Variants in KLF17 observed in about 807,000 individuals in gnomAD.
KLF17 encodes the protein Krueppel-like factor 17.
A neutral mutation model predicts 34.2 loss-of-function variants in KLF17; 31 were observed. The ratio of observed to expected loss-of-function variants is 0.91; its 90% CI spans 0.68 to 1.22. The LOEUF is 1.22. Among genes scored for constraint, KLF17 ranks in the 50% most tolerant of loss-of-function variants. The pLI, the probability that KLF17 is intolerant of heterozygous loss-of-function variation, is 0.00. For missense variants in KLF17, 478 were observed against 505.2 expected, an observed-to-expected ratio of 0.95 and a Z score of 0.52; for synonymous variants, 179 against 186.7, an observed-to-expected ratio of 0.96 and a Z score of 0.34.
chr1:44,130,781 G>A (rs1571994411), intron 3 of KLF17, 25 bp downstream of exon 3: 1 of 1,608,464 alleles, frequency 6.2e-7, no homozygotes, highest in South Asian at 1.1e-5. Context: ...CTCATTCTGG[G>A]TTTTCTTTTT....
At chr1:44,103,253 G>A in the KLF17 span, 1,009 of 683,600 alleles carry the variant, frequency 1.5e-3, 4 homozygotes, top group African/African-American at 0.016. Context: ...CCTCCCTCCC[G>A]GACTCTGGGG....
At chr1:44,101,987 G>A in the KLF17 span, among the ~76,000 whole-genome samples, 22,894 of 151,990 alleles carry the variant, frequency 0.15, 2,153 homozygotes, top group Admixed American at 0.19. Context: ...CCATGAGGTC[G>A]GGGCTGCAGT....
chr1:44,059,628 G>A, the KLF17 span, among the ~76,000 whole-genome samples: 4 of 152,188 alleles, frequency 2.6e-5, no homozygotes, highest in South Asian at 8.3e-4. Flanking sequence ...CTCTCCTCCT[G>A]ATTCCCCTCC....
At chr1:44,080,386 C>A in the KLF17 span, among the ~76,000 whole-genome samples, 1 of 151,454 alleles carries the variant, frequency 6.6e-6, no homozygotes, top group African/African-American at 2.4e-5. Context: ...CTGCAGGCGC[C>A]CACCACCACC....
the KLF17 span, among the ~76,000 whole-genome samples, chr1:44,062,370 C>T: frequency 6.6e-6 from 1 of 152,002 alleles, no homozygotes; most frequent in African/African-American, 2.4e-5. Flanking sequence ...TCTACACAAA[C>T]CCTTCAAATT....
the KLF17 span, among the ~76,000 whole-genome samples, chr1:44,079,371 A>G: frequency 6.7e-6 from 1 of 149,270 alleles, no homozygotes; most frequent in South Asian, 2.1e-4. Context: ...CGCAAATCAC[A>G]GTTCAGCCTC....
At chr1:44,086,633 G>C in the KLF17 span, among the ~76,000 whole-genome samples, 13 of 152,328 alleles carry the variant, frequency 8.5e-5, no homozygotes, top group African/African-American at 2.9e-4. Flanking sequence ...TTTGCATCCT[G>C]ATGGTGATTA....
chr1:44,057,857 C>A, the KLF17 span, among the ~76,000 whole-genome samples: 1 of 152,208 alleles, frequency 6.6e-6, no homozygotes, highest in South Asian at 2.1e-4. Context: ...GCTGCCCATA[C>A]CCTCATCCCT....
At chr1:44,127,717 CTT>C (rs66514369) in intron 1 of KLF17, among the ~76,000 whole-genome samples, 1 of 74,716 alleles carries the variant, frequency 1.3e-5, no homozygotes, top group Non-Finnish European at 2.4e-5. Context: ...TCTTTCTTCT[CTT>C]TTCTTTCTTT....
chr1:44,070,724 A>G, the KLF17 span, among the ~76,000 whole-genome samples: 2 of 149,488 alleles, frequency 1.3e-5, no homozygotes, highest in Admixed American at 6.8e-5. Context: ...TGTCTTTATC[A>G]GAGCCAAACC....
At chr1:44,115,979 C>A (rs2087876275), upstream of KLF17, 1 of 151,892 alleles carries the variant, frequency 6.6e-6, no homozygotes, top group Non-Finnish European at 1.5e-5. Flanking sequence ...TGATTTGTTT[C>A]ATTTTATGAT....
chr1:44,118,866 C>T lies in KLF17; in HGVS notation c.-42C>T. The T allele has an allele frequency of 6.6e-7, 1 of 1,508,306 alleles. No individual in the cohort carries two copies. The highest frequency in any genetic ancestry group is 9.0e-7 in the Non-Finnish European group (1 of 1,114,590). The allele number at this position is 1,508,306 out of a possible 1,614,324, so 93.4% of individuals were successfully genotyped here. A position where few individuals can be genotyped will look rare whatever the true frequency, so the allele number is the denominator to read the frequency against. The stretch of plus-strand genomic sequence containing the variant: ...GCCTGCGACGCCGTGGTGGCTGGTT[C>T]CCTGTCTCTTCAGTAGAGAGTCTAG... On this transcript the variant is annotated 5_prime_UTR_variant, in exon 1 of 4. Transcript: ENST00000372299.
At chr1:44,051,138 A>G in the KLF17 span, 1 of 152,450 alleles carries the variant, frequency 6.6e-6, no homozygotes, top group African/African-American at 2.4e-5. Context: ...TTGGCAAGAC[A>G]GTGAGAGACA....
At chr1:44,093,893 G>C in the KLF17 span, among the ~76,000 whole-genome samples, 1 of 152,222 alleles carries the variant, frequency 6.6e-6, no homozygotes, top group African/African-American at 2.4e-5. Flanking sequence ...TACCAAGTTA[G>C]TGTACTGTTT....
chr1:44,134,979 T>C lies in KLF17; in HGVS notation c.*1742T>C, dbSNP rs1296578447. Reference sequence around the variant, plus strand: ...TATCATACCTGCAAAAAATATTTTGTATATATCCAATTTAATAATAAATGC... The same window carrying C: ...TATCATACCTGCAAAAAATATTTTGCATATATCCAATTTAATAATAAATGC... On this transcript the variant is annotated 3_prime_UTR_variant, in exon 4 of 4. Transcript: ENST00000372299. 6.6e-6 allele frequency: 1 copy of C among 152,022 alleles called. No homozygotes were observed. The highest frequency in any genetic ancestry group is 1.5e-5 in the Non-Finnish European group (1 of 68,022). 9.4% of individuals were successfully genotyped at this position (152,022 alleles called of 1,614,324 possible).
the KLF17 span, among the ~76,000 whole-genome samples, chr1:44,069,530 ACT>A: frequency 6.7e-6 from 1 of 148,696 alleles, no homozygotes; most frequent in Admixed American, 6.7e-5. This position sits in a 1 kb window ranked among gnomAD's most constrained non-coding sequence, Gnocchi z 4.7. Context: ...GAGGAGCCAC[ACT>A]CTTTTAAACA....
intron 1 of KLF17, among the ~76,000 whole-genome samples, chr1:44,123,909 T>G (rs12121477): frequency 1.3e-5 from 2 of 151,878 alleles, no homozygotes; most frequent in African/African-American, 4.8e-5. Context: ...ATACTTTGTA[T>G]GATACCTTTT....
chr1:44,092,738 G>A, the KLF17 span, among the ~76,000 whole-genome samples: 3 of 151,142 alleles, frequency 2.0e-5, no homozygotes, highest in African/African-American at 7.3e-5. Context: ...CGAGTAGCTG[G>A]GTACCCTTTA....
chr1:44,125,494 T>C (rs1571987909), intron 1 of KLF17, among the ~76,000 whole-genome samples: 1 of 152,312 alleles, frequency 6.6e-6, no homozygotes, highest in East Asian at 1.9e-4. Context: ...TTTTTTATTT[T>C]TGAGACGGGG....
Sources: allele counts gnomAD v4.1 joint callset (sites outside exome capture counted in the v4.1 genomes callset), GRCh38; gene constraint gnomAD v4.1.1; non-coding constraint Gnocchi (gnomAD v3.1); transcripts MANE v1.5; gene names NCBI Gene and HGNC (gene_info 2026-07-23, HGNC 2026-07-21).